Variants in PDE4D observed in about 807,000 individuals in gnomAD.
PDE4D encodes the protein phosphodiesterase 4D.
Under a neutral mutation model 87.4 loss-of-function variants are expected in PDE4D, and 24 were observed. The ratio of observed to expected loss-of-function variants is 0.27; its 90% CI spans 0.20 to 0.39. PDE4D has a LOEUF of 0.39. Ranked by LOEUF, PDE4D falls within the 10% of genes least tolerant of loss-of-function variation. PDE4D has a pLI of 1.00. For synonymous variants in PDE4D, 384 were observed against 383.2 expected, an observed-to-expected ratio of 1.00 and a Z score of -0.02; for missense variants, 714 against 1,041.0, an observed-to-expected ratio of 0.69 and a Z score of 4.32.
intron 5 of PDE4D, among the ~76,000 whole-genome samples, chr5:59,119,361 G>C (rs919703902): frequency 7.2e-5 from 11 of 152,150 alleles, no homozygotes; most frequent in African/African-American, 2.7e-4. Context: ...ATATTGTATA[G>C]GGGCTACCAG....
intron 2 of PDE4D, among the ~76,000 whole-genome samples, chr5:60,119,270 T>C (rs991705326): frequency 1.3e-5 from 2 of 152,198 alleles, no homozygotes; most frequent in African/African-American, 4.8e-5. Context: ...ACACTATTCA[T>C]ATAATAGTTT....
intron 1 of PDE4D, among the ~76,000 whole-genome samples, chr5:59,844,929 C>T (rs1257105710): frequency 1.3e-5 from 2 of 152,156 alleles, no homozygotes; most frequent in Non-Finnish European, 2.9e-5. Flanking sequence ...GGAACATTCT[C>T]TTGCTGGTCT....
At chr5:59,701,094 T>A (rs1269573415) in intron 1 of PDE4D, among the ~76,000 whole-genome samples, 1 of 152,206 alleles carries the variant, frequency 6.6e-6, no homozygotes, top group African/African-American at 2.4e-5. Context: ...ACTGAACTAC[T>A]AAATCATCCC....
rs1767105838 is a variant in PDE4D at position 59,083,338 on chromosome 5, C to T, written c.809-44367G>A. On this transcript the variant is annotated intron_variant, in intron 5 of 14. Coordinates refer to ENST00000340635, the MANE Select transcript of PDE4D (RefSeq NM_001104631.2). Reference sequence around the variant, plus strand: ...CACATCTAGATATGTATCCTTTTTTCCTTGTTCGGTGTTGGATGAAACTTT... The same window carrying T: ...CACATCTAGATATGTATCCTTTTTTTCTTGTTCGGTGTTGGATGAAACTTT... Among the ~76,000 whole-genome samples the T allele has an allele frequency of 3.3e-5, 5 of 151,452 alleles. No individual in the cohort carries two copies. The South Asian group carries it at 1.0e-3, about 32-fold the overall frequency.
At chr5:59,138,309 A>G (rs892771512) in intron 5 of PDE4D, among the ~76,000 whole-genome samples, 2 of 152,108 alleles carry the variant, frequency 1.3e-5, no homozygotes, top group South Asian at 2.1e-4. Context: ...TTTTTTTTAG[A>G]CGGAATCTCG....
chr5:59,813,385 T>C (rs1768586741), intron 1 of PDE4D, among the ~76,000 whole-genome samples: 1 of 152,052 alleles, frequency 6.6e-6, no homozygotes, highest in Non-Finnish European at 1.5e-5. Flanking sequence ...GTACCAGCTT[T>C]AATGTTTTCC....
At chr5:59,847,415 G>A (rs950611534) in intron 1 of PDE4D, among the ~76,000 whole-genome samples, 2 of 151,980 alleles carry the variant, frequency 1.3e-5, no homozygotes, top group East Asian at 3.9e-4. Flanking sequence ...TAACTGACAG[G>A]GTCTTTGGCT....
intron 1 of PDE4D, among the ~76,000 whole-genome samples, chr5:59,686,266 T>C (rs1322048924): frequency 1.5e-4 from 23 of 152,182 alleles, no homozygotes. Context: ...CAGTGCAATA[T>C]GCTTTGCATA....
chr5:59,987,114 A>G (rs1762528492), intron 3 of PDE4D: 1 of 152,238 alleles, frequency 6.6e-6, no homozygotes, highest in Admixed American at 6.5e-5. Flanking sequence ...GAGCTCTGCT[A>G]GCAAATCATT....
At chr5:60,335,600 G>A (rs890563191) in intron 1 of PDE4D, among the ~76,000 whole-genome samples, 2 of 152,194 alleles carry the variant, frequency 1.3e-5, no homozygotes, top group Non-Finnish European at 2.9e-5. Flanking sequence ...GCTCCAGGGT[G>A]TTGGCTAGAA....
chr5:60,320,082 G>A (rs1290135519), intron 1 of PDE4D, among the ~76,000 whole-genome samples: 1 of 152,236 alleles, frequency 6.6e-6, no homozygotes, highest in Non-Finnish European at 1.5e-5. Flanking sequence ...CCCCAGAGGT[G>A]TAGTCTACAG....
intron 1 of PDE4D, among the ~76,000 whole-genome samples, chr5:59,270,139 AG>A (rs1490226281): frequency 6.6e-6 from 1 of 152,186 alleles, no homozygotes; most frequent in East Asian, 1.9e-4. Context: ...CATTTCTAAA[AG>A]CTGTATATCT....
chr5:60,178,038 T>C (rs1458259000), intron 2 of PDE4D, among the ~76,000 whole-genome samples: 1 of 152,168 alleles, frequency 6.6e-6, no homozygotes, highest in Non-Finnish European at 1.5e-5. Context: ...TGTTTAAATG[T>C]TTTATAATTC....
intron 1 of PDE4D, among the ~76,000 whole-genome samples, chr5:60,272,038 A>T (rs558905598): frequency 6.6e-6 from 1 of 152,346 alleles, no homozygotes; most frequent in African/African-American, 2.4e-5. Context: ...ACTAGCTCCC[A>T]AGATAAGCCT....
intron 2 of PDE4D, among the ~76,000 whole-genome samples, chr5:60,104,754 G>T (rs935023820): frequency 5.9e-5 from 9 of 152,192 alleles, no homozygotes; most frequent in African/African-American, 1.2e-4. Flanking sequence ...GGCAAACAGG[G>T]TCTGGAGTGG....
chr5:59,053,360 C>A (rs13355229), intron 5 of PDE4D, among the ~76,000 whole-genome samples: 4,892 of 96,836 alleles, frequency 0.051, 292 homozygotes, highest in African/African-American at 0.19. Flanking sequence ...AATGGGTGTA[C>A]ATACACACAC....
chr5:59,252,977 G>A (rs1284537894), intron 1 of PDE4D, among the ~76,000 whole-genome samples: 1 of 152,104 alleles, frequency 6.6e-6, no homozygotes. Flanking sequence ...ACACACAGTC[G>A]TAGCCCAGCC....
chr5:59,572,391 T>A (rs894775593), intron 1 of PDE4D, among the ~76,000 whole-genome samples: 5 of 152,050 alleles, frequency 3.3e-5, no homozygotes, highest in Non-Finnish European at 5.9e-5. Context: ...TCTTATACTA[T>A]CTATTTTATT....
intron 1 of PDE4D, among the ~76,000 whole-genome samples, chr5:60,346,470 C>G (rs1011792428): frequency 6.6e-6 from 1 of 152,152 alleles, no homozygotes; most frequent in Non-Finnish European, 1.5e-5. Context: ...TATTTACTGC[C>G]TCTTACAAAA....
Sources: allele counts gnomAD v4.1 joint callset (sites outside exome capture counted in the v4.1 genomes callset), GRCh38; gene constraint gnomAD v4.1.1; transcripts MANE v1.5; gene names NCBI Gene and HGNC (gene_info 2026-07-23, HGNC 2026-07-21).